The following SPAG16 variants were observed in gnomAD, a reference collection of about 807,000 sequenced individuals.
SPAG16 encodes sperm associated antigen 16.
A neutral mutation model predicts 80.4 loss-of-function variants in SPAG16; 86 were observed. The ratio of observed to expected loss-of-function variants is 1.07; its 90% CI spans 0.90 to 1.28. SPAG16 has a LOEUF of 1.28. SPAG16 is among the 50% of genes most tolerant of loss of function. SPAG16 has a pLI of 0.00. For missense variants in SPAG16, 870 were observed against 765.3 expected (o/e 1.14, Z -1.61); for synonymous variants, 294 against 265.9 (o/e 1.11, Z -1.03).
chr2:213,946,205 C>T (rs1405587245), intron 12 of SPAG16, among the ~76,000 whole-genome samples: 1 of 152,140 alleles, frequency 6.6e-6, no homozygotes, highest in East Asian at 1.9e-4. Context: ...ACCTCTGCCT[C>T]CCGGGTTCAA....
chr2:213,518,478 C>T (rs914711253), intron 10 of SPAG16, among the ~76,000 whole-genome samples: 1 of 152,102 alleles, frequency 6.6e-6, no homozygotes, highest in African/African-American at 2.4e-5. Context: ...TGGCCCTGAA[C>T]TTCTGGGCTA....
intron 15 of SPAG16, among the ~76,000 whole-genome samples, chr2:214,176,304 A>G (rs986815557): frequency 6.6e-6 from 1 of 151,220 alleles, no homozygotes; most frequent in Non-Finnish European, 1.5e-5. Flanking sequence ...TATTATTGCT[A>G]GCTAGAGGTG....
intron 10 of SPAG16, among the ~76,000 whole-genome samples, chr2:213,643,653 C>T (rs2062708629): frequency 6.7e-6 from 1 of 149,562 alleles, no homozygotes; most frequent in Non-Finnish European, 1.5e-5. Flanking sequence ...TAGATTTGCC[C>T]TTTGGAGGCT....
chr2:214,037,947 A>G (rs1279179070), intron 13 of SPAG16, among the ~76,000 whole-genome samples: 1 of 133,490 alleles, frequency 7.5e-6, no homozygotes, highest in African/African-American at 2.8e-5. Flanking sequence ...TTTCTGAATT[A>G]TTTTGCATAT....
At chr2:213,842,765 A>G (rs1462703694) in intron 10 of SPAG16, among the ~76,000 whole-genome samples, 1 of 152,014 alleles carries the variant, frequency 6.6e-6, no homozygotes, top group Non-Finnish European at 1.5e-5. Flanking sequence ...TTTAGGTGCT[A>G]TTATTATTTT....
At chr2:214,117,181 CAG>C (rs1374849480) in intron 14 of SPAG16, among the ~76,000 whole-genome samples, 1 of 151,946 alleles carries the variant, frequency 6.6e-6, no homozygotes, top group African/African-American at 2.4e-5. Context: ...AAAAATCAAA[CAG>C]AAATCCTGGA....
intron 10 of SPAG16, among the ~76,000 whole-genome samples, chr2:213,721,152 T>C (rs944182181): frequency 6.6e-6 from 1 of 152,122 alleles, no homozygotes; most frequent in Non-Finnish European, 1.5e-5. Flanking sequence ...CCAGGCTGAG[T>C]GCAGTGGCTT....
intron 15 of SPAG16, among the ~76,000 whole-genome samples, chr2:214,203,934 C>T (rs908749561): frequency 1.3e-5 from 2 of 152,144 alleles, no homozygotes; most frequent in African/African-American, 2.4e-5. Flanking sequence ...GTTGTTGGAG[C>T]AAGTTCTCAG....
At position 213,340,212 on chromosome 2, in the gene SPAG16, C is replaced by T. The variant is rs942724482; in HGVS notation, c.586C>T (p.Arg196Ter). The T allele has an allele frequency of 4.3e-6, 7 of 1,611,588 alleles. No individual in the cohort carries two copies. The African/African-American group carries it at 6.7e-5, about 15-fold the overall frequency. ...AATTCAGAAAGAACGTGATTTTCAT[C>T]GAATGCATCATAAGCGAATAGTCCA... is the stretch of plus-strand genomic sequence containing the variant. ...LKIQKERDFH[R>*]MHHKRIVQEK... The change falls in exon 6 of 16, where the codon CGA becomes TGA. Residue 196 changes from arginine to a stop codon, truncating the protein, a stop_gained. Transcript: ENST00000331683. LOFTEE classifies it high-confidence loss of function.
chr2:213,661,662 A>T (rs183478759), intron 10 of SPAG16, among the ~76,000 whole-genome samples: 2 of 152,200 alleles, frequency 1.3e-5, no homozygotes, highest in Non-Finnish European at 2.9e-5. Context: ...TGCTACTTTA[A>T]TGTAAAAATT....
chr2:214,176,251 A>C (rs1255804069), intron 15 of SPAG16, among the ~76,000 whole-genome samples: 3 of 151,312 alleles, frequency 2.0e-5, no homozygotes, highest in African/African-American at 7.3e-5. Context: ...AAATGTTAAG[A>C]TACTGTAAAG....
intron 10 of SPAG16, among the ~76,000 whole-genome samples, chr2:213,505,239 A>G (rs1444712879): frequency 6.6e-6 from 1 of 152,222 alleles, no homozygotes; most frequent in Non-Finnish European, 1.5e-5. Flanking sequence ...GGGGGTATCA[A>G]TTTCAAATGT....
intron 15 of SPAG16, among the ~76,000 whole-genome samples, chr2:214,175,226 T>C (rs2057031184): frequency 1.1e-5 from 1 of 91,254 alleles, no homozygotes; most frequent in African/African-American, 4.2e-5. Flanking sequence ...AATGTGTGTA[T>C]ATATATATAT....
At chr2:213,294,723 A>ATTACT (rs2062430142) in intron 1 of SPAG16, among the ~76,000 whole-genome samples, 4 of 152,180 alleles carry the variant, frequency 2.6e-5, no homozygotes, top group African/African-American at 9.7e-5. Context: ...CTTGTGATGG[A>ATTACT]GCTTAGTAGC....
chr2:213,890,455 T>A (rs1007615020), intron 11 of SPAG16, among the ~76,000 whole-genome samples: 11 of 152,070 alleles, frequency 7.2e-5, no homozygotes, highest in Non-Finnish European at 1.3e-4. Flanking sequence ...TATTAGTAAA[T>A]CATCTATTAT....
intron 15 of SPAG16, among the ~76,000 whole-genome samples, chr2:214,255,944 T>C (rs1690655540): frequency 1.3e-5 from 2 of 151,956 alleles, no homozygotes; most frequent in Non-Finnish European, 2.9e-5. Flanking sequence ...TAGTCTCTCA[T>C]GAAAGTGTTT....
At chr2:213,573,864 C>T (rs975917189) in intron 10 of SPAG16, among the ~76,000 whole-genome samples, 1 of 152,108 alleles carries the variant, frequency 6.6e-6, no homozygotes, top group African/African-American at 2.4e-5. Flanking sequence ...ACATAAAGCT[C>T]TTAAAGTTTA....
intron 12 of SPAG16, among the ~76,000 whole-genome samples, chr2:213,940,177 T>G (rs1391868711): frequency 6.6e-6 from 1 of 152,244 alleles, no homozygotes; most frequent in Non-Finnish European, 1.5e-5. Context: ...ATTTAACTTT[T>G]TAAAATTAGC....
intron 11 of SPAG16, among the ~76,000 whole-genome samples, chr2:213,896,491 CA>C (rs1559561872): frequency 1.3e-5 from 2 of 150,620 alleles, no homozygotes; most frequent in African/African-American, 4.9e-5. Context: ...ATTACACTCT[CA>C]TGTTTACTGC....
Sources: allele counts gnomAD v4.1 joint callset (sites outside exome capture counted in the v4.1 genomes callset), GRCh38; gene constraint gnomAD v4.1.1; transcripts MANE v1.5; gene names NCBI Gene and HGNC (gene_info 2026-07-23, HGNC 2026-07-21).